Variants in ENAH observed in about 807,000 individuals in gnomAD.
The protein encoded by ENAH is ENAH actin regulator.
ENAH carries 23 observed loss-of-function variants against 78.7 expected under a neutral mutation model. That is an observed-to-expected ratio of 0.29 (90% CI 0.21 to 0.41). The LOEUF is 0.41. Ranked by LOEUF, ENAH falls within the 10% of genes least tolerant of loss-of-function variation. The probability of loss-of-function intolerance (pLI) is 1.00; values close to 1 mark genes in which losing one functional copy is unlikely to be tolerated. For synonymous variants in ENAH, 226 were observed against 241.0 expected (o/e 0.94, Z 0.58); for missense variants, 544 against 691.0 (o/e 0.79, Z 2.39).
At chr1:225,518,807 A>T (rs1052355283) in intron 5 of ENAH, among the ~76,000 whole-genome samples, 2 of 152,196 alleles carry the variant, frequency 1.3e-5, no homozygotes, top group African/African-American at 4.8e-5. Flanking sequence ...AATCAAGCAA[A>T]TTTCTTGCTG....
intron 3 of ENAH, among the ~76,000 whole-genome samples, chr1:225,543,496 T>G (rs1309757794): frequency 6.6e-6 from 1 of 152,240 alleles, no homozygotes; most frequent in Admixed American, 6.5e-5. Flanking sequence ...ATAGCAGGTC[T>G]ACCTTGTAAG....
At chr1:225,622,684 G>T (rs920279940) in intron 1 of ENAH, among the ~76,000 whole-genome samples, 2 of 152,078 alleles carry the variant, frequency 1.3e-5, no homozygotes, top group Admixed American at 1.3e-4. Flanking sequence ...AAGCTCCCCT[G>T]ACCTAACCAC....
At chr1:225,612,488 AG>A in intron 1 of ENAH, among the ~76,000 whole-genome samples, 1 of 152,208 alleles carries the variant, frequency 6.6e-6, no homozygotes, top group East Asian at 1.9e-4. Context: ...GTGATGAAAA[AG>A]TTCTGGAAGT....
intron 3 of ENAH, among the ~76,000 whole-genome samples, chr1:225,546,636 G>A (rs1460464829): frequency 6.6e-6 from 1 of 152,190 alleles, no homozygotes; most frequent in Non-Finnish European, 1.5e-5. Context: ...TAAGGAAGCG[G>A]CTGAAAATTG....
chr1:225,609,059 T>G (rs1025429677), intron 1 of ENAH, among the ~76,000 whole-genome samples: 6 of 151,980 alleles, frequency 3.9e-5, no homozygotes, highest in East Asian at 3.9e-4. Context: ...CTAAGGGAGC[T>G]ACAATGAAAA....
At chr1:225,504,449 T>C (rs1261687922) in intron 11 of ENAH, among the ~76,000 whole-genome samples, 1 of 152,224 alleles carries the variant, frequency 6.6e-6, no homozygotes, top group Non-Finnish European at 1.5e-5. Context: ...TTTTTAGCTG[T>C]CAATTTTTTT....
At chr1:225,549,442 C>T (rs2096631029) in intron 3 of ENAH, among the ~76,000 whole-genome samples, 1 of 152,154 alleles carries the variant, frequency 6.6e-6, no homozygotes, top group Non-Finnish European at 1.5e-5. Context: ...CATTTTAAAA[C>T]ACTGTTCTCT....
intron 7 of ENAH, among the ~76,000 whole-genome samples, chr1:225,513,989 C>G (rs2096397163): frequency 6.6e-6 from 1 of 151,010 alleles, no homozygotes; most frequent in Non-Finnish European, 1.5e-5. Context: ...AACTCCGTCT[C>G]AAGAGAAAAA....
At chr1:225,558,686 T>C (rs2096682503) in intron 2 of ENAH, among the ~76,000 whole-genome samples, 1 of 129,066 alleles carries the variant, frequency 7.7e-6, no homozygotes, top group African/African-American at 3.0e-5. Flanking sequence ...CAGGCTGGAG[T>C]GCAGTGGCGC....
intron 4 of ENAH, among the ~76,000 whole-genome samples, chr1:225,523,500 C>T (rs898382050): frequency 6.6e-6 from 1 of 151,976 alleles, no homozygotes; most frequent in African/African-American, 2.4e-5. Context: ...TTTCTAAGTT[C>T]ACAGACAGAT....
intron 1 of ENAH, among the ~76,000 whole-genome samples, chr1:225,643,010 A>C (rs1661356140): frequency 1.3e-5 from 2 of 152,248 alleles, no homozygotes; most frequent in Admixed American, 1.3e-4. Flanking sequence ...ACGTGTATCA[A>C]AAACTGATAC....
intron 2 of ENAH, among the ~76,000 whole-genome samples, chr1:225,559,417 T>C (rs1380690049): frequency 3.3e-5 from 5 of 152,204 alleles, no homozygotes; most frequent in African/African-American, 4.8e-5. Flanking sequence ...AGGGAGGTAA[T>C]TGTATTGTTC....
At chr1:225,596,470 G>A (rs991489605) in intron 1 of ENAH, among the ~76,000 whole-genome samples, 4 of 151,988 alleles carry the variant, frequency 2.6e-5, no homozygotes, top group Non-Finnish European at 5.9e-5. Flanking sequence ...TACAAAACTA[G>A]GAGGACCACA....
chr1:225,520,638 T>C (rs897141335), intron 4 of ENAH, among the ~76,000 whole-genome samples: 1 of 151,908 alleles, frequency 6.6e-6, no homozygotes, highest in Non-Finnish European at 1.5e-5. Flanking sequence ...GGGAGGATTG[T>C]CTGAACCCAA....
At chr1:225,550,213 A>G (rs1312112523) in intron 3 of ENAH, among the ~76,000 whole-genome samples, 1 of 152,104 alleles carries the variant, frequency 6.6e-6, no homozygotes, top group African/African-American at 2.4e-5. Context: ...TTCTTCAAAC[A>G]TAGCTGAAAC....
At chr1:225,519,019 T>C (rs2096444294) in intron 5 of ENAH, 179 bp downstream of exon 5, 3 of 1,028,694 alleles carry the variant, frequency 2.9e-6, no homozygotes, top group Non-Finnish European at 4.1e-6. Flanking sequence ...ATAAAAGCAA[T>C]ACAGAGAGAA....
intron 1 of ENAH, among the ~76,000 whole-genome samples, chr1:225,615,039 TC>T (rs1461416512): frequency 3.3e-5 from 2 of 60,970 alleles, no homozygotes; most frequent in African/African-American, 2.2e-4. Flanking sequence ...CTCTCCCCGG[TC>T]TCCCTCTCCC....
intron 2 of ENAH, among the ~76,000 whole-genome samples, chr1:225,555,383 C>T (rs904337562): frequency 3.9e-5 from 6 of 152,110 alleles, no homozygotes; most frequent in Non-Finnish European, 8.8e-5. Flanking sequence ...GAGATTGAGA[C>T]CATCCTGGCT....
intron 1 of ENAH, among the ~76,000 whole-genome samples, chr1:225,610,125 T>G (rs1219130172): frequency 6.6e-6 from 1 of 151,708 alleles, no homozygotes; most frequent in African/African-American, 2.4e-5. Flanking sequence ...CACAGTATAT[T>G]TAGGGGAAAT....
Sources: allele counts gnomAD v4.1 joint callset (sites outside exome capture counted in the v4.1 genomes callset), GRCh38; gene constraint gnomAD v4.1.1; transcripts MANE v1.5; gene names NCBI Gene and HGNC (gene_info 2026-07-23, HGNC 2026-07-21).